Variants in TMBIM6 observed in about 807,000 individuals in gnomAD.
The protein encoded by TMBIM6 is transmembrane BAX inhibitor motif containing 6.
A neutral mutation model predicts 31.4 loss-of-function variants in TMBIM6; 13 were observed. The ratio of observed to expected loss-of-function variants is 0.41; its 90% confidence interval spans 0.27 to 0.66. The LOEUF (loss-of-function observed/expected upper bound fraction) is 0.66. Among genes scored for constraint, TMBIM6 ranks in the 30% least tolerant of loss-of-function variants. The pLI is 0.28. For missense variants in TMBIM6, 275 were observed against 289.5 expected (o/e 0.95, Z 0.36); for synonymous variants, 85 against 101.7 (o/e 0.84, Z 0.99).
Position 49,764,651 on chromosome 12 carries a change from C to T in TMBIM6, c.*1755C>T, listed in dbSNP as rs1367673487. The T allele has an allele frequency of 3.4e-5, 5 of 148,842 alleles. No individual in the cohort carries two copies. In the South Asian group the frequency reaches 1.1e-3, roughly 31 times the overall value. 9.2% of individuals were successfully genotyped at this position (148,842 alleles called of 1,614,324 possible). A position where few individuals can be genotyped will look rare whatever the true frequency, so the allele number is the denominator to read the frequency against. ...TTGAAGCCAAACTCCACCTTCTGTG[C>T]TTTTTGCTTGGGATAATGGAGTTTT... On this transcript the variant is annotated 3_prime_UTR_variant, in exon 10 of 10. Coordinates refer to ENST00000267115, the MANE Select transcript of TMBIM6 (RefSeq NM_003217.3).
rs1945790092 is a variant in TMBIM6, at chr12:49,764,876, A to C, written c.*1980A>C. The C allele has an allele frequency of 6.6e-6, 1 of 152,170 alleles. No homozygotes were observed. The highest frequency in any genetic ancestry group is 1.5e-5 in the Non-Finnish European group (1 of 68,038). The allele number at this position is 152,170 out of a possible 1,614,324, so 9.4% of individuals were successfully genotyped here. ...AAGACAAAGGTGTTTTTGATTCAGA[A>C]ATATATGAAATCTGCATAGTCTTAA... On this transcript the variant is annotated 3_prime_UTR_variant, in exon 10 of 10. Transcript: ENST00000267115.
In TMBIM6 at chr12:49,764,848, G is replaced by A. The variant is rs1945789678; in HGVS notation, c.*1952G>A. ...CTCAGGCTGCATTCTAACTCATACT[G>A]TGAAGACAAAGGTGTTTTTGATTCA... On this transcript the variant is annotated 3_prime_UTR_variant, in exon 10 of 10. Coordinates refer to ENST00000267115, the MANE Select transcript of TMBIM6 (RefSeq NM_003217.3). 6.6e-6 allele frequency: 1 copy of A among 151,918 alleles called. No individual in the cohort carries two copies. The highest frequency in any genetic ancestry group is 2.4e-5 in the African/African-American group (1 of 41,302). The allele number at this position is 151,918 out of a possible 1,614,324, so 9.4% of individuals were successfully genotyped here.
At chr12:49,754,739 C>T (rs956593254) in intron 3 of TMBIM6, among the ~76,000 whole-genome samples, 1 of 152,198 alleles carries the variant, frequency 6.6e-6, no homozygotes, top group Non-Finnish European at 1.5e-5. Flanking sequence ...GTTTTTCCCA[C>T]TTGGCGTTTT....
At chr12:49,754,229 C>T (rs1945548505) in intron 3 of TMBIM6, among the ~76,000 whole-genome samples, 1 of 152,114 alleles carries the variant, frequency 6.6e-6, no homozygotes, top group South Asian at 2.1e-4. Flanking sequence ...TCAATTGATC[C>T]TCGCACCTCA....
At chr12:49,756,669 C>T (rs1190551517) in intron 4 of TMBIM6, among the ~76,000 whole-genome samples, 1 of 151,688 alleles carries the variant, frequency 6.6e-6, no homozygotes, top group Non-Finnish European at 1.5e-5. Flanking sequence ...TCGTGATCTG[C>T]TCGCCTCAGC....
chr12:49,758,819 T>A, intron 7 of TMBIM6, 57 bp downstream of exon 7: 5 of 191,242 alleles, frequency 2.6e-5, no homozygotes, highest in East Asian at 1.7e-4. Context: ...CTTTCTTTCC[T>A]TTTTTTTTTT....
In TMBIM6 at chr12:49,763,039, T is replaced by C. The variant is rs995611990; in HGVS notation, c.*143T>C. The C allele has an allele frequency of 5.5e-5, 52 of 947,754 alleles. No individual in the cohort carries two copies. The African/African-American group carries it at 8.5e-4, about 15-fold the overall frequency. 58.7% of individuals were successfully genotyped at this position (947,754 alleles called of 1,614,324 possible). Reference sequence around the variant, plus strand: ...ACTTTGTGGTTTCCTCTATTTTGAATTTTTTGATCAAAAAACTGATTAGCA... The same window carrying C: ...ACTTTGTGGTTTCCTCTATTTTGAACTTTTTGATCAAAAAACTGATTAGCA... On this transcript the variant is annotated 3_prime_UTR_variant, in exon 10 of 10. Transcript: ENST00000267115.
chr12:49,755,600 A>C, intron 3 of TMBIM6, 35 bp from the exon 4 acceptor site: 2 of 1,604,244 alleles, frequency 1.2e-6, no homozygotes, highest in Admixed American at 1.8e-5. Context: ...GAAACTTTCA[A>C]GTGTTTAATG....
intron 1 of TMBIM6, among the ~76,000 whole-genome samples, chr12:49,746,900 A>G (rs1190940537): frequency 1.3e-5 from 2 of 151,886 alleles, no homozygotes; most frequent in Admixed American, 1.3e-4. Flanking sequence ...CAGTAGCGCA[A>G]TCTCGGCTCA....
intron 1 of TMBIM6, among the ~76,000 whole-genome samples, chr12:49,745,756 C>T (rs900715333): frequency 3.5e-5 from 5 of 142,338 alleles, no homozygotes; most frequent in Non-Finnish European, 4.6e-5. Context: ...TTAGAATTTC[C>T]ATCTTTTCCC....
chr12:49,744,849 T>A (rs1945360540), intron 1 of TMBIM6, among the ~76,000 whole-genome samples: 1 of 152,206 alleles, frequency 6.6e-6, no homozygotes. Flanking sequence ...TGGTTTATAC[T>A]GGAAGAAGAT....
intron 1 of TMBIM6, among the ~76,000 whole-genome samples, chr12:49,747,127 C>T (rs1486046209): frequency 5.9e-5 from 9 of 151,810 alleles, no homozygotes; most frequent in Non-Finnish European, 8.8e-5. Context: ...CATGAGCCAC[C>T]GTGCCCAGCC....
intron 3 of TMBIM6, among the ~76,000 whole-genome samples, chr12:49,754,720 A>T (rs1447258678): frequency 1.3e-5 from 2 of 152,206 alleles, no homozygotes. Context: ...CTTTTTTCTA[A>T]TGCCTATAGT....
intron 1 of TMBIM6, among the ~76,000 whole-genome samples, chr12:49,745,262 A>C (rs911879208): frequency 6.6e-6 from 1 of 152,228 alleles, no homozygotes; most frequent in Non-Finnish European, 1.5e-5. Context: ...AGTGGCTATT[A>C]GGCTGTCTCA....
chr12:49,755,819 TCCC>T, intron 4 of TMBIM6, 64 bp downstream of exon 4: 1 of 1,500,650 alleles, frequency 6.7e-7, no homozygotes, highest in Non-Finnish European at 9.0e-7. Flanking sequence ...CTTAATTAGT[TCCC>T]CCCCCTTTTT....
rs958677028 is a variant in TMBIM6 at position 49,764,620 on chromosome 12, C to T, written c.*1724C>T. 1 of 149,406 alleles carries T rather than the reference C, an allele frequency of 6.7e-6. No homozygotes were observed. Among genetic ancestry groups the T allele is most frequent in the East Asian group, 2.0e-4 (1 of 5,104 alleles). 9.3% of individuals were successfully genotyped at this position (149,406 alleles called of 1,614,324 possible). ...TGCTAGGCCTAAGATTTTGAGTTAACATCTCTTGAAGCCAAACTCCACCTT... is the reference window on the plus strand; with the variant it reads ...TGCTAGGCCTAAGATTTTGAGTTAATATCTCTTGAAGCCAAACTCCACCTT... On this transcript the variant is annotated 3_prime_UTR_variant, in exon 10 of 10. Coordinates refer to ENST00000267115, the MANE Select transcript of TMBIM6 (RefSeq NM_003217.3).
At chr12:49,761,617 A>AGGGGGG (rs1945720982) in intron 8 of TMBIM6, 87 bp from the exon 9 acceptor site, 1 of 1,178,092 alleles carries the variant, frequency 8.5e-7, no homozygotes, top group African/African-American at 1.6e-5. Context: ...TCGTGGGGGT[A>AGGGGGG]GGGGTGGGGT....
At chr12:49,761,569 A>T in intron 8 of TMBIM6, 135 bp from the exon 9 acceptor site, 1 of 697,920 alleles carries the variant, frequency 1.4e-6, no homozygotes, top group Non-Finnish European at 2.4e-6. Context: ...CCAGAGTTTT[A>T]CTTCCTTAGT....
chr12:49,745,314 G>A (rs148889110), intron 1 of TMBIM6, among the ~76,000 whole-genome samples: 280 of 152,320 alleles, frequency 1.8e-3, no homozygotes, highest in African/African-American at 6.5e-3. Context: ...TAGTATAAAT[G>A]TGCTAGAAGA....
Sources: gnomAD v4.1 joint callset for allele counts (sites outside exome capture counted in the v4.1 genomes callset) on GRCh38, gnomAD v4.1.1 for gene constraint, MANE v1.5 for transcripts, NCBI Gene and HGNC (gene_info 2026-07-23, HGNC 2026-07-21) for gene names.